RAB9B: variants seen among roughly 807,000 people sequenced by gnomAD.
RAB9B encodes ras-related protein Rab-9B.
RAB9B carries 1 observed loss-of-function variant against 8.9 expected under a neutral mutation model. The ratio of observed to expected loss-of-function variants is 0.11; its 90% CI spans 0.04 to 0.53. RAB9B has a LOEUF of 0.53. Among genes scored for constraint, RAB9B ranks in the 20% least tolerant of loss-of-function variants. The probability of loss-of-function intolerance (pLI) is 0.93; values close to 1 mark genes in which losing one functional copy is unlikely to be tolerated. For missense variants in RAB9B, 82 were observed against 152.9 expected, an observed-to-expected ratio of 0.54 and a Z score of 2.45; for synonymous variants, 63 against 57.0, an observed-to-expected ratio of 1.10 and a Z score of -0.47.
At chrX:103,796,280 A>C in the RAB9B span, among the ~76,000 whole-genome samples, 1 of 111,703 alleles carries the variant, frequency 9.0e-6, no homozygotes, top group African/African-American at 3.3e-5. Context: ...CAGGAGTTCA[A>C]GACCAGTCTG....
chrX:103,801,045 G>T, the RAB9B span, among the ~76,000 whole-genome samples: 1 of 111,637 alleles, frequency 9.0e-6, no homozygotes, highest in Admixed American at 9.5e-5. Flanking sequence ...GGGGATTATT[G>T]CTTTAAAACA....
the RAB9B span, chrX:103,776,637 C>A: frequency 4.2e-6 from 1 of 236,047 alleles, no homozygotes. Flanking sequence ...TGCAGCAAAG[C>A]GAAATTCCAG....
At chrX:103,795,461 A>G in the RAB9B span, among the ~76,000 whole-genome samples, 2 of 111,672 alleles carry the variant, frequency 1.8e-5, no homozygotes, top group Non-Finnish European at 3.8e-5. Context: ...GGGGCAAAAT[A>G]CAAAGCTGAT....
chrX:103,797,232 C>T, the RAB9B span, among the ~76,000 whole-genome samples: 1 of 30 alleles, frequency 0.033, no homozygotes, highest in Non-Finnish European at 0.062. Context: ...GGACTACAGG[C>T]GACTGCACCA....
chrX:103,778,447 A>G, the RAB9B span, among the ~76,000 whole-genome samples: 2 of 111,903 alleles, frequency 1.8e-5, no homozygotes, highest in Non-Finnish European at 3.8e-5. Flanking sequence ...TGCCCTGGGT[A>G]ACATCAGGAA....
At chrX:103,813,720 G>A in the RAB9B span, among the ~76,000 whole-genome samples, 1 of 58,014 alleles carries the variant, frequency 1.7e-5, no homozygotes, top group Non-Finnish European at 2.9e-5. Context: ...AGGGATGGAG[G>A]AAGATCTACC....
At chrX:103,799,501 C>T in the RAB9B span, among the ~76,000 whole-genome samples, 6 of 111,730 alleles carry the variant, frequency 5.4e-5, no homozygotes, top group African/African-American at 2.0e-4. Flanking sequence ...CCACAGAGTG[C>T]ACACACATCT....
intron 1 of RAB9B, among the ~76,000 whole-genome samples, chrX:103,829,277 T>C (rs771613865): frequency 8.9e-6 from 1 of 111,816 alleles, no homozygotes; most frequent in Non-Finnish European, 1.9e-5. Flanking sequence ...AATCTCAGCA[T>C]TGAAGGGACC....
At chrX:103,819,793 A>G (rs901150618), downstream of RAB9B, among the ~76,000 whole-genome samples, 4 of 112,506 alleles carry the variant, frequency 3.6e-5, no homozygotes, top group African/African-American at 1.3e-4. Flanking sequence ...ACTTGAGGAA[A>G]TTAAAATGAC....
chrX:103,815,131 A>G, the RAB9B span, among the ~76,000 whole-genome samples: 1 of 112,244 alleles, frequency 8.9e-6, no homozygotes, highest in African/African-American at 3.2e-5. Flanking sequence ...AGAGACAGAC[A>G]CAACAAAAAA....
chrX:103,777,763 A>G, the RAB9B span, among the ~76,000 whole-genome samples: 589 of 112,426 alleles, frequency 5.2e-3, 7 homozygotes, highest in African/African-American at 0.018. Flanking sequence ...AGAAGCTATG[A>G]AGTTCTGGTG....
At chrX:103,808,145 G>C in the RAB9B span, among the ~76,000 whole-genome samples, 2 of 111,700 alleles carry the variant, frequency 1.8e-5, no homozygotes, top group Non-Finnish European at 3.8e-5. Flanking sequence ...TACACAGAAG[G>C]CAACACACAT....
At chrX:103,778,592 C>T in the RAB9B span, among the ~76,000 whole-genome samples, 2 of 111,464 alleles carry the variant, frequency 1.8e-5, no homozygotes, top group African/African-American at 6.5e-5. Context: ...AAAGTGACCA[C>T]AGGGACAATT....
chrX:103,790,893 T>A, the RAB9B span: 1 of 350,686 alleles, frequency 2.9e-6, no homozygotes, highest in Non-Finnish European at 5.0e-6. Context: ...CTAATTGAAT[T>A]TTCAAGCATC....
At chrX:103,797,915 TGCAA>T in the RAB9B span, among the ~76,000 whole-genome samples, 1 of 111,562 alleles carries the variant, frequency 9.0e-6, no homozygotes, top group Non-Finnish European at 1.9e-5. Flanking sequence ...TTTTTTATTG[TGCAA>T]TACTATGAGT....
the RAB9B span, chrX:103,789,190 A>T: frequency 1.9e-6 from 1 of 539,206 alleles, no homozygotes; most frequent in Non-Finnish European, 3.3e-6. Flanking sequence ...GCCCACATTT[A>T]GGGAAGTGAA....
chrX:103,819,307 T>C (rs2074651071), downstream of RAB9B, among the ~76,000 whole-genome samples: 1 of 112,046 alleles, frequency 8.9e-6, no homozygotes, highest in Non-Finnish European at 1.9e-5. Flanking sequence ...GAGACCATTA[T>C]ACATTTACCC....
the RAB9B span, among the ~76,000 whole-genome samples, chrX:103,794,506 C>T: frequency 9.0e-6 from 1 of 111,333 alleles, no homozygotes; most frequent in Non-Finnish European, 1.9e-5. Flanking sequence ...TTGTCTCTAT[C>T]CAGGCTAAGT....
the RAB9B span, among the ~76,000 whole-genome samples, chrX:103,809,770 C>T: frequency 1.8e-5 from 2 of 111,039 alleles, no homozygotes; most frequent in Non-Finnish European, 3.8e-5. Flanking sequence ...ACCAGTGCCT[C>T]CCATCCATTC....
Sources: allele counts gnomAD v4.1 joint callset (sites outside exome capture counted in the v4.1 genomes callset), GRCh38; gene constraint gnomAD v4.1.1; transcripts MANE v1.5; gene names NCBI Gene and HGNC (gene_info 2026-07-23, HGNC 2026-07-21).